The following CSDE1 variants were observed in gnomAD, a reference collection of about 807,000 sequenced individuals.
CSDE1 encodes the protein cold shock domain containing E1.
CSDE1 carries 17 observed loss-of-function variants against 89.3 expected under a neutral mutation model. The observed-to-expected ratio is 0.19, with a 90% CI of 0.13 to 0.29. The LOEUF (loss-of-function observed/expected upper bound fraction) is 0.29. Ranked by LOEUF, CSDE1 falls within the 10% of genes least tolerant of loss-of-function variation. CSDE1 has a pLI of 1.00. For synonymous variants in CSDE1, 322 were observed against 332.8 expected (o/e 0.97, Z 0.35); for missense variants, 672 against 984.2 (o/e 0.68, Z 4.24).
At chr1:114,757,241 G>A (rs1355247203) in intron 1 of CSDE1, among the ~76,000 whole-genome samples, 2 of 152,218 alleles carry the variant, frequency 1.3e-5, no homozygotes, top group Non-Finnish European at 2.9e-5. Flanking sequence ...GAGTAACGAT[G>A]TCAATTCCGC....
At chr1:114,744,352 T>A (rs1408841380) in intron 2 of CSDE1, among the ~76,000 whole-genome samples, 2 of 152,052 alleles carry the variant, frequency 1.3e-5, no homozygotes, top group African/African-American at 4.8e-5. Flanking sequence ...GAGGCCGAGG[T>A]GGCAGATCAC....
intron 6 of CSDE1, among the ~76,000 whole-genome samples, chr1:114,736,531 CAAGTCCTTAA>C (rs969655841): frequency 1.3e-5 from 2 of 152,138 alleles, no homozygotes; most frequent in African/African-American, 4.8e-5. Flanking sequence ...ATCTCTAGAA[CAAGTCCTTAA>C]AATGCCTAAC....
intron 2 of CSDE1, among the ~76,000 whole-genome samples, chr1:114,747,111 G>A (rs1661052475): frequency 1.3e-5 from 2 of 152,126 alleles, no homozygotes; most frequent in South Asian, 4.1e-4. Flanking sequence ...GACTAACCTG[G>A]ATCAAATCAT....
intron 9 of CSDE1, 80 bp from the exon 10 acceptor site, chr1:114,732,896 A>G: frequency 8.2e-7 from 1 of 1,217,964 alleles, no homozygotes; most frequent in East Asian, 2.3e-5. Context: ...AACACATAGT[A>G]AACCCATGTT....
chr1:114,746,208 CTAAG>C (rs1274600912), intron 2 of CSDE1, among the ~76,000 whole-genome samples: 2 of 152,136 alleles, frequency 1.3e-5, no homozygotes, highest in Non-Finnish European at 2.9e-5. Context: ...TGGATAGGTT[CTAAG>C]TAATTATTCA....
At position 114,726,333 on chromosome 1, in the gene CSDE1, A is replaced by G. The variant is rs1570902757; in HGVS notation, c.1518T>C (p.Cys506=). 1.9e-6 allele frequency: 3 copies of G among 1,613,920 alleles called. No individual in the cohort carries two copies. The highest frequency in any genetic ancestry group is 2.7e-5 in the African/African-American group (2 of 75,046). ...TAGAATTACGACCTAAAAGTCGCAC[A>G]CAAGTTGCAACCTGCTGTCCAGGCC... is the stretch of plus-strand genomic sequence containing the variant. ...KQRPGQQVAT[C]VRLLGRNSNS... Residue 506 remains cysteine, a synonymous_variant, in exon 14 of 20, where the codon TGT becomes TGC. Transcript: ENST00000358528.
chr1:114,757,276 G>A (rs555757296), intron 1 of CSDE1, among the ~76,000 whole-genome samples: 1 of 152,280 alleles, frequency 6.6e-6, no homozygotes, highest in South Asian at 2.1e-4. Flanking sequence ...AGATGTGGCT[G>A]GGGAAAGGTG....
chr1:114,738,661 CTTTTTT>C (rs752985259), intron 3 of CSDE1, among the ~76,000 whole-genome samples: 12 of 80,038 alleles, frequency 1.5e-4, no homozygotes, highest in African/African-American at 3.6e-4. Context: ...CATGTAAAAA[CTTTTTT>C]TTTTTTTTTT....
chr1:114,750,584 A>G (rs555423323), intron 1 of CSDE1, among the ~76,000 whole-genome samples: 198 of 152,322 alleles, frequency 1.3e-3, no homozygotes, highest in African/African-American at 4.6e-3. Context: ...GACAAGATGT[A>G]AACATGGAAA....
At chr1:114,743,743 ATC>A (rs1413774882) in intron 2 of CSDE1, among the ~76,000 whole-genome samples, 1 of 152,228 alleles carries the variant, frequency 6.6e-6, no homozygotes, top group Non-Finnish European at 1.5e-5. Flanking sequence ...GAATGTTGGA[ATC>A]TGGGCTCTAC....
At chr1:114,743,185 T>C (rs1199709494) in intron 2 of CSDE1, among the ~76,000 whole-genome samples, 1 of 152,166 alleles carries the variant, frequency 6.6e-6, no homozygotes, top group East Asian at 1.9e-4. Flanking sequence ...TCTTGCTCTG[T>C]CACCCAGGCT....
intron 19 of CSDE1, 42 bp downstream of exon 19, chr1:114,718,571 G>C (rs779087443): frequency 6.3e-7 from 1 of 1,596,474 alleles, no homozygotes; most frequent in South Asian, 1.1e-5. Context: ...TTTTATGTTG[G>C]TCTATCAGTT....
chr1:114,730,303 A>G lies in CSDE1; in HGVS notation c.1311T>C (p.Thr437=). The G allele has an allele frequency of 6.2e-7, 1 of 1,614,138 alleles. No homozygotes were observed. Among genetic ancestry groups the G allele is most frequent in the Middle Eastern group, 1.6e-4 (1 of 6,062 alleles). Residue 437 remains threonine, a synonymous_variant, in exon 12 of 20, where the codon ACT becomes ACC. Coordinates refer to ENST00000358528, the MANE Select transcript of CSDE1 (RefSeq NM_001007553.3). ...RFLGTVEKEA[T]FSNPKTTSPN... is the part of the protein sequence containing the mutation. ...GGCTAGTGGTTTTAGGATTGGAAAA[A>G]GTGGCTTCTTTTTCTACCGTGCCCA...
At position 114,739,705 on chromosome 1, in the gene CSDE1, G is replaced by C. The variant is rs1272677368; in HGVS notation, c.186C>G (p.Asp62Glu). 1 of 1,607,246 alleles carries C rather than the reference G, an allele frequency of 6.2e-7. No homozygotes were observed. The highest frequency in any genetic ancestry group is 8.5e-7 in the Non-Finnish European group (1 of 1,174,114). ...CTGACAGATTACCTCCTACTTTTAA[G>C]TCTTGCAGGTTGCCATTATACTGTG... is the stretch of plus-strand genomic sequence containing the variant. ...HCSQYNGNLQ[D>E]LKVGDDVEFE... Residue 62 changes from aspartate to glutamate, a missense_variant, in exon 3 of 20, where the codon GAC (aspartate) becomes GAG (glutamate). Transcript: ENST00000358528.
chr1:114,739,939 T>C (rs1259028877), intron 2 of CSDE1, 49 bp from the exon 3 acceptor site: 2 of 1,475,182 alleles, frequency 1.4e-6, no homozygotes, highest in Non-Finnish European at 9.4e-7. Flanking sequence ...ATTATCTCCA[T>C]AGCATATTAA....
In CSDE1 at chr1:114,730,375, A is replaced by C; in HGVS notation, c.1239T>G (p.Leu413=). The part of the protein sequence containing the change: ...QRNHAIRIKK[L]PKGTVSFHSH... ...AATGAAATGAAACCGTGCCCTTGGG[A>C]AGTTTTTTAATCCTAATAGCATGAT... The change falls in exon 12 of 20, where the codon CTT becomes CTG. Residue 413 remains leucine (L), a synonymous_variant. Transcript: ENST00000358528. The C allele has an allele frequency of 6.2e-7, 1 of 1,614,184 alleles. No individual in the cohort carries two copies. Among genetic ancestry groups the C allele is most frequent in the East Asian group, 2.2e-5 (1 of 44,880 alleles).
intron 14 of CSDE1, 129 bp from the exon 15 acceptor site, chr1:114,725,462 T>G: frequency 8.4e-6 from 6 of 714,766 alleles, no homozygotes; most frequent in Non-Finnish European, 1.5e-5. Flanking sequence ...TTTAAGTAAT[T>G]TCTATGTATT....
rs960979595 is a variant in CSDE1, at chr1:114,720,552, C to T, written c.2039G>A (p.Cys680Tyr). The T allele has an allele frequency of 4.3e-6, 7 of 1,612,676 alleles. No homozygotes were observed. The highest frequency in any genetic ancestry group is 1.3e-5 in the African/African-American group (1 of 74,894). The change falls in exon 17 of 20, where the codon TGT (cysteine) becomes TAT (tyrosine). Residue 680 changes from cysteine (C) to tyrosine (Y), a missense_variant. Cys to Tyr is a radical substitution (Grantham distance 194). This residue lies in a region of CSDE1 where 206 missense variants were observed against 332.4 expected (regional missense o/e 0.62). Coordinates refer to ENST00000358528, the MANE Select transcript of CSDE1 (RefSeq NM_001007553.3). ...GCTGGCACTTACCTGATCTTTCACA[C>T]ATTCCACTGTGGCCCTGCGCAGGGG... ...ITPLRRATVECVKDQFGFINY... is the reference protein window; with the variant it reads ...ITPLRRATVEYVKDQFGFINY...
chr1:114,741,517 C>G, intron 2 of CSDE1: 7 of 1,542,870 alleles, frequency 4.5e-6, no homozygotes, highest in Non-Finnish European at 6.1e-6. Flanking sequence ...TGACTGCTTT[C>G]CTGACTTACA....
Sources: allele counts gnomAD v4.1 joint callset (sites outside exome capture counted in the v4.1 genomes callset), GRCh38; gene constraint gnomAD v4.1.1; regional missense constraint gnomAD v4.1.1; transcripts MANE v1.5; gene names NCBI Gene and HGNC (gene_info 2026-07-23, HGNC 2026-07-21).